CELF2: variants seen among roughly 807,000 people sequenced by gnomAD.
CELF2 encodes the protein CUGBP Elav-like family member 2.
CELF2 carries 8 observed loss-of-function variants against 62.6 expected under a neutral mutation model. That is an observed-to-expected ratio of 0.13 (90% CI 0.07 to 0.23). The LOEUF (loss-of-function observed/expected upper bound fraction) is 0.23, where lower values mean the gene tolerates loss of function less well. CELF2 is among the 10% of genes least tolerant of loss of function. The pLI is 1.00. For missense variants in CELF2, 333 were observed against 671.0 expected (o/e 0.50, Z 5.56); for synonymous variants, 258 against 250.0 (o/e 1.03, Z -0.30).
At chr10:11,158,532 G>C (rs1310562201) in intron 1 of CELF2, among the ~76,000 whole-genome samples, 6 of 152,006 alleles carry the variant, frequency 3.9e-5, no homozygotes, top group Non-Finnish European at 8.8e-5. Context: ...GCCTGGGTGA[G>C]GGCTGTCTTA....
intron 4 of CELF2, among the ~76,000 whole-genome samples, chr10:11,253,930 G>T (rs2077910664): frequency 1.3e-5 from 2 of 151,938 alleles, no homozygotes; most frequent in Admixed American, 6.6e-5. Flanking sequence ...GTTTTGTTTT[G>T]GTTTTGGTTT....
intron 1 of CELF2, among the ~76,000 whole-genome samples, chr10:11,061,653 A>G (rs1182184392): frequency 6.6e-6 from 1 of 152,238 alleles, no homozygotes; most frequent in African/African-American, 2.4e-5. Context: ...AGGGGCTAAT[A>G]CAACTGGTGA....
the CELF2 span, among the ~76,000 whole-genome samples, chr10:10,655,474 C>A: frequency 7.8e-6 from 1 of 127,888 alleles, no homozygotes; most frequent in South Asian, 3.6e-4. Flanking sequence ...TCAAACTATA[C>A]TACAAGGCTA....
the CELF2 span, among the ~76,000 whole-genome samples, chr10:10,787,533 A>G: frequency 6.6e-6 from 1 of 152,248 alleles, no homozygotes; most frequent in African/African-American, 2.4e-5. Context: ...TGGTCAAACA[A>G]GCTTGTTTCT....
the CELF2 span, among the ~76,000 whole-genome samples, chr10:10,732,119 C>G: frequency 6.6e-6 from 1 of 152,272 alleles, no homozygotes. Flanking sequence ...CAGTCAGCAC[C>G]AAAGAAGCTA....
chr10:10,538,926 G>A, the CELF2 span, among the ~76,000 whole-genome samples: 9 of 152,108 alleles, frequency 5.9e-5, no homozygotes, highest in Middle Eastern at 6.8e-3. Flanking sequence ...TAATTTTCCC[G>A]CAATTCTCTT....
chr10:11,257,113 C>T (rs1216260841), intron 4 of CELF2, among the ~76,000 whole-genome samples: 2 of 152,052 alleles, frequency 1.3e-5, no homozygotes, highest in African/African-American at 4.8e-5. Context: ...ACCAGTGTCA[C>T]GGGAAAGAGG....
chr10:11,083,138 G>A (rs1222682294), intron 1 of CELF2, among the ~76,000 whole-genome samples: 6 of 152,190 alleles, frequency 3.9e-5, no homozygotes, highest in African/African-American at 1.4e-4. Context: ...TGGCAGTGAG[G>A]TGGGGGTTCA....
At chr10:11,158,075 G>T (rs1012260498) in intron 1 of CELF2, among the ~76,000 whole-genome samples, 1 of 152,148 alleles carries the variant, frequency 6.6e-6, no homozygotes. Context: ...CCCTATATTT[G>T]TCTTCATCTT....
In CELF2 at chr10:11,330,743, CTTATTTT is replaced by C; in HGVS notation, c.*1693_*1699del. The C allele has an allele frequency of 6.6e-6, 1 of 152,586 alleles. No individual in the cohort carries two copies. Among genetic ancestry groups the C allele is most frequent in the East Asian group, 1.9e-4 (1 of 5,186 alleles). 9.5% of individuals were successfully genotyped at this position (152,586 alleles called of 1,614,324 possible). On this transcript the variant is annotated 3_prime_UTR_variant, in exon 13 of 13. Coordinates refer to ENST00000633077, the MANE Select transcript of CELF2 (RefSeq NM_001326342.2). The surrounding 1 kb of genome is among the most constrained non-coding windows in gnomAD (Gnocchi z 4.5). ...AAACCTGTGGCAAAAACGTTTCTTT[CTTATTTT>C]TTTTCTTTTCCTAAAACAGACTTGA...
rs56167230 is a variant in CELF2 at position 11,228,718 on chromosome 10, CAAAAAAAAAAAAAAAAAA to C, written c.354+11221_354+11238del. Among the ~76,000 whole-genome samples, 274 of 135,176 alleles carry C rather than the reference CAAAAAAAAAAAAAAAAAA, an allele frequency of 2.0e-3. 3 individuals are homozygous for C. Among genetic ancestry groups the C allele is most frequent in the African/African-American group, 7.5e-3 (262 of 34,862 alleles). 88.7% of individuals were successfully genotyped at this position (135,176 alleles called of 152,430 possible). A position where few individuals can be genotyped will look rare whatever the true frequency, so the allele number is the denominator to read the frequency against. Reference sequence around the variant, plus strand: ...TCACAACCCCCACCCGCGCCCCTCGCAAAAAAAAAAAAAAAAAAAAAAAAAAACTTGGAACCACCATTT... The same window carrying C: ...TCACAACCCCCACCCGCGCCCCTCGCAAAAAAAAACTTGGAACCACCATTT... On this transcript the variant is annotated intron_variant, in intron 3 of 12. Transcript: ENST00000633077.
chr10:11,165,467 C>A lies in CELF2; in HGVS notation c.75-19C>A, dbSNP rs1360196756. 6.2e-7 allele frequency: 1 copy of A among 1,608,572 alleles called. No homozygotes were observed. The highest frequency in any genetic ancestry group is 8.5e-7 in the Non-Finnish European group (1 of 1,176,924). ...CATCGTGCCGCCCTAACTCTGGCTCCCGGTTCCGTTTTTGACAGTAACGGC... is the reference window on the plus strand; with the variant it reads ...CATCGTGCCGCCCTAACTCTGGCTCACGGTTCCGTTTTTGACAGTAACGGC... On this transcript the variant is annotated intron_variant, in intron 1 of 12. Coordinates refer to ENST00000633077, the MANE Select transcript of CELF2 (RefSeq NM_001326342.2). This position sits in a 1 kb window ranked among gnomAD's most constrained non-coding sequence, Gnocchi z 7.4.
At chr10:11,104,403 C>A (rs1437351147) in intron 1 of CELF2, among the ~76,000 whole-genome samples, 2 of 152,178 alleles carry the variant, frequency 1.3e-5, no homozygotes, top group East Asian at 1.9e-4. Context: ...CTAAGAAATA[C>A]CCTTGAGCAA....
chr10:11,227,368 C>T lies in CELF2; in HGVS notation c.354+9861C>T, dbSNP rs1175859399. ...GCACTGAGAGGTAGAACCAGGCAGCCCACGCCACAGATGGCACAGCAGGAT... is the reference window on the plus strand; with the variant it reads ...GCACTGAGAGGTAGAACCAGGCAGCTCACGCCACAGATGGCACAGCAGGAT... On this transcript the variant is annotated intron_variant, in intron 3 of 12. Transcript: ENST00000633077. This position sits in a 1 kb window ranked among gnomAD's most constrained non-coding sequence, Gnocchi z 4.8. 6.6e-6 allele frequency among the ~76,000 whole-genome samples: 1 copy of T among 152,224 alleles called. No homozygotes were observed. The highest frequency in any genetic ancestry group is 1.5e-5 in the Non-Finnish European group (1 of 68,042).
intron 1 of CELF2, among the ~76,000 whole-genome samples, chr10:10,915,346 G>A (rs934366070): frequency 1.3e-5 from 2 of 152,188 alleles, no homozygotes; most frequent in African/African-American, 4.8e-5. Flanking sequence ...TGTTTGGTGT[G>A]TGCCAGGCAC....
At position 11,268,416 on chromosome 10, in the gene CELF2, A is replaced by G. The variant is rs979324597; in HGVS notation, c.618+1739A>G. On this transcript the variant is annotated intron_variant, in intron 6 of 12. Coordinates refer to ENST00000633077, the MANE Select transcript of CELF2 (RefSeq NM_001326342.2). The surrounding 1 kb of genome is among the most constrained non-coding windows in gnomAD (Gnocchi z 4.7). ...TTCCTTCCCTTGGAGCCCCCCCAGT[A>G]ATGCTCAGAGAGCCACGGACAACCC... Among the ~76,000 whole-genome samples the G allele has an allele frequency of 6.6e-6, 1 of 152,090 alleles. No homozygotes were observed. The highest frequency in any genetic ancestry group is 2.4e-5 in the African/African-American group (1 of 41,410).
the CELF2 span, among the ~76,000 whole-genome samples, chr10:10,645,916 T>G: frequency 3.3e-5 from 5 of 152,244 alleles, no homozygotes; most frequent in Non-Finnish European, 5.9e-5. Context: ...TCTGGTTTTG[T>G]GTCTGGCTGG....
At chr10:10,530,991 G>A in the CELF2 span, among the ~76,000 whole-genome samples, 2 of 152,342 alleles carry the variant, frequency 1.3e-5, no homozygotes, top group African/African-American at 4.8e-5. Context: ...TGATGGTCAA[G>A]TGGTAGTTTT....
At chr10:11,312,356 C>T (rs1414220248) in intron 9 of CELF2, among the ~76,000 whole-genome samples, 1 of 152,022 alleles carries the variant, frequency 6.6e-6, no homozygotes, top group African/African-American at 2.4e-5. Flanking sequence ...AATATGTGGG[C>T]AAATCAAAAT....
Sources: allele counts gnomAD v4.1 joint callset (sites outside exome capture counted in the v4.1 genomes callset), GRCh38; gene constraint gnomAD v4.1.1; non-coding constraint Gnocchi (gnomAD v3.1); transcripts MANE v1.5; gene names NCBI Gene and HGNC (gene_info 2026-07-23, HGNC 2026-07-21).